SUN3: variants seen among roughly 807,000 people sequenced by gnomAD.
The protein encoded by SUN3 is SUN domain-containing protein 3.
A neutral mutation model predicts 48.2 loss-of-function variants in SUN3; 36 were observed. The observed-to-expected ratio is 0.75, with a 90% CI of 0.57 to 0.99. The LOEUF is 0.99. Among genes scored for constraint, SUN3 ranks in the 50% least tolerant of loss-of-function variants. The probability of loss-of-function intolerance (pLI) is 0.00; values close to 1 mark genes in which losing one functional copy is unlikely to be tolerated. For synonymous variants in SUN3, 148 were observed against 147.9 expected, an observed-to-expected ratio of 1.00 and a Z score of 0.00; for missense variants, 419 against 433.1, an observed-to-expected ratio of 0.97 and a Z score of 0.29.
chr7:48,024,698 G>T (rs575749262), intron 2 of SUN3, among the ~76,000 whole-genome samples: 1 of 151,706 alleles, frequency 6.6e-6, no homozygotes, highest in South Asian at 2.1e-4. Flanking sequence ...TCCGCTCATG[G>T]TGGAAGGCAA....
chr7:48,028,962 G>A lies in SUN3; in HGVS notation c.-24C>T, dbSNP rs762390205. On this transcript the variant is annotated 5_prime_UTR_variant, in exon 1 of 10. Coordinates refer to ENST00000297325, the MANE Select transcript of SUN3 (RefSeq NM_001030019.2). ...ATGATCCCCTACCAAAGAACAAACA[G>A]CTGGTAGGATGAAGAGCAACATTTG... The A allele has an allele frequency of 5.0e-6, 8 of 1,613,264 alleles. No homozygotes were observed. The highest frequency in any genetic ancestry group is 3.3e-5 in the South Asian group (3 of 91,030).
chr7:47,996,784 CTTACTTTTTCTTTCCTTCTT>C (rs1789224208), intron 6 of SUN3, among the ~76,000 whole-genome samples: 1 of 151,388 alleles, frequency 6.6e-6, no homozygotes, highest in Non-Finnish European at 1.5e-5. Context: ...TCTGATTATC[CTTACTTTTTCTTTCCTTCTT>C]TTTTTTTTTT....
chr7:47,987,977 G>A (rs150009072), intron 9 of SUN3, among the ~76,000 whole-genome samples: 2,596 of 152,250 alleles, frequency 0.017, 57 homozygotes, highest in African/African-American at 0.057. Context: ...TCTCTATTCC[G>A]CTGTTTCCCC....
Position 47,988,876 on chromosome 7 carries a change from A to G in SUN3, c.866T>C (p.Ile289Thr). 1.3e-6 allele frequency: 2 copies of G among 1,589,468 alleles called. No homozygotes were observed. Among genetic ancestry groups the G allele is most frequent in the African/African-American group, 1.3e-5 (1 of 74,404 alleles). Residue 289 changes from isoleucine (I) to threonine (T), a missense_variant, in exon 9 of 10, where the codon ATC becomes ACC. Transcript: ENST00000297325. ...TTCTTCTCCTTCACATTTTTTTGTG[A>G]TGCCCTATAAAGAAAGCAACAGATA... ...SAPKEFSVYG[I>T]TKKCEGEEIF... is the part of the protein sequence containing the mutation.
chr7:47,993,887 G>A (rs910560429), intron 8 of SUN3, among the ~76,000 whole-genome samples: 1 of 152,160 alleles, frequency 6.6e-6, no homozygotes, highest in Non-Finnish European at 1.5e-5. Flanking sequence ...AGATGGAAGT[G>A]CCATGGAAAA....
At chr7:48,009,401 A>G (rs1789620616) in intron 3 of SUN3, among the ~76,000 whole-genome samples, 1 of 152,158 alleles carries the variant, frequency 6.6e-6, no homozygotes, top group African/African-American at 2.4e-5. Flanking sequence ...AGAGGAAAAA[A>G]TAGAGGGAAG....
upstream of SUN3, among the ~76,000 whole-genome samples, chr7:48,034,039 G>A (rs1211684213): frequency 1.3e-5 from 2 of 152,240 alleles, no homozygotes; most frequent in Non-Finnish European, 2.9e-5. Context: ...GGGCGACAGA[G>A]CAAGAGCAAG....
intron 3 of SUN3, among the ~76,000 whole-genome samples, chr7:48,014,644 G>A (rs1789763131): frequency 1.3e-5 from 2 of 152,224 alleles, no homozygotes; most frequent in South Asian, 4.1e-4. Flanking sequence ...ATCTGCAGCA[G>A]AAGACTGTGG....
At position 48,007,009 on chromosome 7, in the gene SUN3, T is replaced by C; in HGVS notation, c.492+156A>G. The C allele has an allele frequency of 1.6e-5, 10 of 638,802 alleles. No individual in the cohort carries two copies. In the South Asian group the frequency reaches 3.2e-4, roughly 21 times the overall value. 39.6% of individuals were successfully genotyped at this position (638,802 alleles called of 1,614,324 possible). ...GACACAGCATTTATGAAACACTGGG[T>C]TTCTGTACACAAACCAAATATCAGT... is the stretch of plus-strand genomic sequence containing the variant. On this transcript the variant is annotated intron_variant, in intron 5 of 9. Transcript: ENST00000297325.
chr7:48,017,796 C>T (rs1194773417), intron 2 of SUN3, among the ~76,000 whole-genome samples: 2 of 152,104 alleles, frequency 1.3e-5, no homozygotes, highest in African/African-American at 2.4e-5. Flanking sequence ...TTTTTTGACT[C>T]ATCTAGTGGT....
intron 5 of SUN3, 34 bp downstream of exon 5, chr7:48,007,131 C>CCCCCAGCCCCA: frequency 6.3e-7 from 1 of 1,585,888 alleles, no homozygotes; most frequent in African/African-American, 1.3e-5. Context: ...ACCACCACCC[C>CCCCCAGCCCCA]ACCCTGCCCA....
chr7:48,024,975 A>G (rs532648623), intron 2 of SUN3, among the ~76,000 whole-genome samples: 207 of 152,276 alleles, frequency 1.4e-3, no homozygotes, highest in Non-Finnish European at 1.8e-3. Flanking sequence ...GTCCTCCTAC[A>G]CTGCTTGTGG....
upstream of SUN3, among the ~76,000 whole-genome samples, chr7:48,033,389 T>C (rs932011502): frequency 3.1e-5 from 4 of 128,704 alleles, no homozygotes; most frequent in South Asian, 2.6e-4. Context: ...AGCAAGACCA[T>C]TGTCTCTAAA....
rs1789143099 is a variant in SUN3, at chr7:47,994,317, A to G, written c.859T>C (p.Tyr287His). The G allele has an allele frequency of 6.2e-7, 1 of 1,613,056 alleles. No individual in the cohort carries two copies. ...ISSAPKEFSV[Y>H]GITKKCEGEE... ...GACAAATTTAGATAGCTTCTTACAT[A>G]GACAGAAAATTCCTTGGGTGCACTG... The change falls in exon 8 of 10, where the codon TAT becomes CAT. Residue 287 changes from tyrosine (Y) to histidine (H), a missense_variant and splice_region_variant. Tyr to His is a moderately conservative substitution (Grantham distance 83, BLOSUM62 2). Transcript: ENST00000297325.
At chr7:47,988,643 G>A (rs976215727) in intron 9 of SUN3, 145 bp downstream of exon 9, 4 of 452,928 alleles carry the variant, frequency 8.8e-6, no homozygotes, top group Admixed American at 4.0e-5. Flanking sequence ...TAAGCACTTC[G>A]AGCTCAGAAT....
chr7:48,033,690 T>G (rs1790280942), upstream of SUN3, among the ~76,000 whole-genome samples: 1 of 152,236 alleles, frequency 6.6e-6, no homozygotes, highest in African/African-American at 2.4e-5. Flanking sequence ...ACTTTTTTGT[T>G]AATCCAATGG....
At chr7:48,008,796 A>C (rs545296839) in intron 4 of SUN3, among the ~76,000 whole-genome samples, 54 of 152,158 alleles carry the variant, frequency 3.5e-4, no homozygotes, top group Non-Finnish European at 5.6e-4. Context: ...GTCACCTCTA[A>C]CCCTTTAATC....
At chr7:48,002,450 G>A (rs536841527) in intron 6 of SUN3, among the ~76,000 whole-genome samples, 4 of 126,880 alleles carry the variant, frequency 3.2e-5, no homozygotes, top group South Asian at 2.1e-4. Flanking sequence ...GAGCCACCGC[G>A]CCCGGCCTTG....
intron 3 of SUN3, among the ~76,000 whole-genome samples, chr7:48,015,032 C>A (rs918665631): frequency 1.3e-5 from 2 of 152,166 alleles, no homozygotes; most frequent in African/African-American, 4.8e-5. Flanking sequence ...CTAAAAAATA[C>A]CTTCACTGCA....
Sources: gnomAD v4.1 joint callset for allele counts (sites outside exome capture counted in the v4.1 genomes callset) on GRCh38, gnomAD v4.1.1 for gene constraint, MANE v1.5 for transcripts, NCBI Gene and HGNC (gene_info 2026-07-23, HGNC 2026-07-21) for gene names.